The following BUB1B variants were observed in gnomAD, a reference collection of about 807,000 sequenced individuals.
BUB1B encodes BUB1 mitotic checkpoint serine/threonine kinase B.
BUB1B carries 86 observed loss-of-function variants against 137.7 expected under a neutral mutation model. The ratio of observed to expected loss-of-function variants is 0.62; its 90% CI spans 0.52 to 0.75. BUB1B has a LOEUF of 0.75. Among genes scored for constraint, BUB1B ranks in the 30% least tolerant of loss-of-function variants. The pLI, the probability that BUB1B is intolerant of heterozygous loss-of-function variation, is 0.00. For missense variants in BUB1B, 1,130 were observed against 1,236.9 expected, an observed-to-expected ratio of 0.91 and a Z score of 1.30; for synonymous variants, 420 against 417.9, an observed-to-expected ratio of 1.00 and a Z score of -0.06.
At chr15:40,172,336 C>T (rs1442164276) in intron 4 of BUB1B, among the ~76,000 whole-genome samples, 1 of 152,036 alleles carries the variant, frequency 6.6e-6, no homozygotes, top group Non-Finnish European at 1.5e-5. Flanking sequence ...GTGTGCCCAC[C>T]CCTCACCCAG....
intron 20 of BUB1B, among the ~76,000 whole-genome samples, chr15:40,213,935 G>C (rs1014029186): frequency 4.6e-5 from 7 of 152,124 alleles, no homozygotes; most frequent in Non-Finnish European, 5.9e-5. Context: ...ATTAAGAATA[G>C]TTTAAAATAA....
intron 9 of BUB1B, among the ~76,000 whole-genome samples, chr15:40,198,795 C>T (rs1004379094): frequency 2.4e-4 from 36 of 152,096 alleles, no homozygotes; most frequent in African/African-American, 8.5e-4. Context: ...TTACCCTAAC[C>T]TGCAAAACCC....
chr15:40,188,308 G>A (rs1471832986), intron 8 of BUB1B, among the ~76,000 whole-genome samples: 1 of 152,136 alleles, frequency 6.6e-6, no homozygotes, highest in African/African-American at 2.4e-5. Context: ...CTCCCAAAGT[G>A]CTGGGATTAC....
At chr15:40,212,165 C>G (rs991872530) in intron 18 of BUB1B, among the ~76,000 whole-genome samples, 1 of 152,224 alleles carries the variant, frequency 6.6e-6, no homozygotes, top group Non-Finnish European at 1.5e-5. Context: ...TTCAATCACT[C>G]CTGTCTTAGC....
intron 7 of BUB1B, 71 bp from the exon 8 acceptor site, chr15:40,185,480 T>C (rs894193895): frequency 1.7e-5 from 27 of 1,590,348 alleles, no homozygotes; most frequent in Non-Finnish European, 2.3e-5. Flanking sequence ...CTTGAATATT[T>C]AGCCATGGTC....
intron 9 of BUB1B, among the ~76,000 whole-genome samples, chr15:40,198,408 CT>C (rs1389693056): frequency 2.0e-5 from 3 of 152,092 alleles, no homozygotes; most frequent in African/African-American, 7.2e-5. Flanking sequence ...GTCTCTGAAT[CT>C]ATTTCATGAA....
chr15:40,201,907 G>A (rs1484238831), intron 12 of BUB1B, among the ~76,000 whole-genome samples: 2 of 152,020 alleles, frequency 1.3e-5, no homozygotes, highest in East Asian at 1.9e-4. Flanking sequence ...CTGACCTCGT[G>A]ATCCGCCCAC....
At chr15:40,188,736 C>T (rs894181716) in intron 8 of BUB1B, among the ~76,000 whole-genome samples, 1 of 151,830 alleles carries the variant, frequency 6.6e-6, no homozygotes, top group African/African-American at 2.4e-5. Context: ...ACGCCCGCCA[C>T]GACGCCCAGC....
chr15:40,209,916 A>G (rs1595533639), intron 17 of BUB1B, 141 bp downstream of exon 17: 1 of 1,100,720 alleles, frequency 9.1e-7, no homozygotes, highest in South Asian at 1.3e-5. Flanking sequence ...ATGACACATC[A>G]GTAACTTCAT....
At chr15:40,202,251 T>C in intron 12 of BUB1B, 154 bp from the exon 13 acceptor site, 1 of 672,846 alleles carries the variant, frequency 1.5e-6, no homozygotes, top group Non-Finnish European at 2.6e-6. Context: ...GTAAATTGTT[T>C]AATGACCTTT....
chr15:40,188,290 G>A (rs749004698), intron 8 of BUB1B, among the ~76,000 whole-genome samples: 1 of 152,080 alleles, frequency 6.6e-6, no homozygotes, highest in Non-Finnish European at 1.5e-5. Flanking sequence ...TGATCTGCCT[G>A]TCTCGGCCTC....
intron 2 of BUB1B, among the ~76,000 whole-genome samples, chr15:40,168,969 C>A (rs1374809916): frequency 6.6e-6 from 1 of 152,130 alleles, no homozygotes; most frequent in Non-Finnish European, 1.5e-5. Context: ...AATTTAGTAT[C>A]CTGCTTTGTA....
At chr15:40,166,640 G>A (rs1336366884) in intron 2 of BUB1B, among the ~76,000 whole-genome samples, 2 of 152,218 alleles carry the variant, frequency 1.3e-5, no homozygotes, top group Admixed American at 6.5e-5. Flanking sequence ...GCGCCCAGCA[G>A]TAGACATAAT....
At chr15:40,167,018 C>T (rs762536142) in intron 2 of BUB1B, among the ~76,000 whole-genome samples, 63 of 152,112 alleles carry the variant, frequency 4.1e-4, no homozygotes, top group Non-Finnish European at 7.8e-4. Context: ...AGTATAGATT[C>T]AAGTTTCCCT....
chr15:40,180,375 A>G (rs1171862546), intron 5 of BUB1B, among the ~76,000 whole-genome samples: 1 of 149,212 alleles, frequency 6.7e-6, no homozygotes, highest in Non-Finnish European at 1.5e-5. Flanking sequence ...CTCTTGCCTC[A>G]GCCTCCCGAG....
At chr15:40,201,246 A>G (rs2037565048) in intron 12 of BUB1B, among the ~76,000 whole-genome samples, 1 of 152,202 alleles carries the variant, frequency 6.6e-6, no homozygotes, top group South Asian at 2.1e-4. Context: ...GTTACTGTAC[A>G]CTAAACAGCA....
intron 20 of BUB1B, among the ~76,000 whole-genome samples, chr15:40,215,918 A>G (rs987643121): frequency 6.6e-6 from 1 of 151,732 alleles, no homozygotes; most frequent in Non-Finnish European, 1.5e-5. Flanking sequence ...TGTCTCTACA[A>G]AAATAAAATA....
intron 8 of BUB1B, among the ~76,000 whole-genome samples, chr15:40,188,170 C>A (rs1020449493): frequency 6.6e-6 from 1 of 152,118 alleles, no homozygotes; most frequent in South Asian, 2.1e-4. Flanking sequence ...GCCTCAGCCT[C>A]CTGAGTAGCT....
rs150031754 is a variant in BUB1B at position 40,165,037 on chromosome 15, G to GT, written c.36-13dup. On this transcript the variant is annotated splice_polypyrimidine_tract_variant and intron_variant, in intron 1 of 22. Coordinates refer to ENST00000287598, the MANE Select transcript of BUB1B (RefSeq NM_001211.6). ...CAATGTTGGTATGAGATTTACATTT[G>GT]TTTCCTTCTTCACAGTGAAGCCATG... 18,753 of 1,613,942 alleles carry GT rather than the reference G, an allele frequency of 0.012. 1,685 individuals are homozygous for GT. The African/African-American group carries it at 0.21, about 18-fold the overall frequency.
Sources: gnomAD v4.1 joint callset for allele counts (sites outside exome capture counted in the v4.1 genomes callset) on GRCh38, gnomAD v4.1.1 for gene constraint, MANE v1.5 for transcripts, NCBI Gene and HGNC (gene_info 2026-07-23, HGNC 2026-07-21) for gene names.